CC2D2B: variants seen among roughly 807,000 people sequenced by gnomAD.
CC2D2B encodes the protein protein CC2D2B.
Under a neutral mutation model 161.2 loss-of-function variants are expected in CC2D2B, and 128 were observed. The ratio of observed to expected loss-of-function variants is 0.79; its 90% confidence interval spans 0.69 to 0.92. The LOEUF is 0.92. Among genes scored for constraint, CC2D2B ranks in the 40% least tolerant of loss-of-function variants. The pLI is 0.00. For missense variants in CC2D2B, 1,173 were observed against 1,375.1 expected, an observed-to-expected ratio of 0.85 and a Z score of 2.32; for synonymous variants, 391 against 449.8, an observed-to-expected ratio of 0.87 and a Z score of 1.65.
chr10:95,922,360 G>C (rs1290200477), intron 3 of CC2D2B, among the ~76,000 whole-genome samples: 1 of 152,188 alleles, frequency 6.6e-6, no homozygotes, highest in Non-Finnish European at 1.5e-5. Flanking sequence ...TGCAGAACCT[G>C]CTTCAGCAAA....
intron 29 of CC2D2B, 98 bp from the exon 30 acceptor site, chr10:96,016,103 G>C: frequency 1.4e-6 from 1 of 733,992 alleles, no homozygotes; most frequent in Non-Finnish European, 2.3e-6. Flanking sequence ...GTTTGGAACT[G>C]GAGTGAGTAC....
At chr10:95,914,629 G>A (rs1017843131) in intron 2 of CC2D2B, among the ~76,000 whole-genome samples, 4 of 152,142 alleles carry the variant, frequency 2.6e-5, no homozygotes, top group African/African-American at 7.2e-5. Flanking sequence ...GGTTTTATAG[G>A]TGTTTGGCAT....
intron 2 of CC2D2B, chr10:95,920,134 G>T (rs891354756): frequency 2.0e-5 from 3 of 151,830 alleles, no homozygotes. Context: ...GAGACTTCAG[G>T]AGTCTGCTTG....
At chr10:96,004,289 C>T (rs746649356) in intron 25 of CC2D2B, 41 bp downstream of exon 25, 94 of 1,073,084 alleles carry the variant, frequency 8.8e-5, no homozygotes, top group Admixed American at 5.6e-4. Context: ...TGAAATAATT[C>T]TAAGGTCAAA....
intron 6 of CC2D2B, among the ~76,000 whole-genome samples, chr10:95,934,146 A>G (rs552754491): frequency 1.3e-5 from 2 of 152,264 alleles, no homozygotes; most frequent in African/African-American, 4.8e-5. Flanking sequence ...GGCTCTGCCT[A>G]GTTTGAACTT....
chr10:95,959,058 TG>T (rs955907447), intron 11 of CC2D2B, among the ~76,000 whole-genome samples: 51 of 152,232 alleles, frequency 3.4e-4, no homozygotes, highest in African/African-American at 1.2e-3. Flanking sequence ...TGCTAAAGAA[TG>T]TAAACATTTA....
At chr10:96,003,278 A>G (rs951099654) in intron 24 of CC2D2B, among the ~76,000 whole-genome samples, 1 of 151,986 alleles carries the variant, frequency 6.6e-6, no homozygotes, top group African/African-American at 2.4e-5. Context: ...CTCATGATAT[A>G]CACTACCCTT....
intron 10 of CC2D2B, among the ~76,000 whole-genome samples, chr10:95,953,679 A>G (rs1023278290): frequency 2.3e-4 from 35 of 152,182 alleles, no homozygotes; most frequent in Admixed American, 1.4e-3. Context: ...AATAAGGAAA[A>G]GGCATTACCT....
chr10:96,009,861 A>G lies in CC2D2B; in HGVS notation c.2983A>G (p.Ile995Val), dbSNP rs552645367. 4 of 1,608,982 alleles carry G rather than the reference A, an allele frequency of 2.5e-6. No individual in the cohort carries two copies. Among genetic ancestry groups the G allele is most frequent in the South Asian group, 2.2e-5 (2 of 90,342 alleles). ...CAAGAGCTGTAGTGGTCACTCATATATAAGAAAGAATTGGCTTGGATGCAT... is the reference window on the plus strand; with the variant it reads ...CAAGAGCTGTAGTGGTCACTCATATGTAAGAAAGAATTGGCTTGGATGCAT... Reference protein sequence around the residue: ...CLKSCSGHSYIRKNWLGCIVF... With the variant: ...CLKSCSGHSYVRKNWLGCIVF... The change falls in exon 26 of 35, where the codon ATA (isoleucine) becomes GTA (valine). Residue 995 changes from isoleucine to valine, a missense_variant. This residue lies in a region of CC2D2B where 598 missense variants were observed against 693.2 expected (regional missense o/e 0.86). Transcript: ENST00000646931.
chr10:95,943,421 C>T (rs753594780), intron 9 of CC2D2B, among the ~76,000 whole-genome samples: 6 of 152,022 alleles, frequency 3.9e-5, no homozygotes, highest in Admixed American at 1.3e-4. Flanking sequence ...AAATCTTGTC[C>T]GTGGATTTTT....
chr10:95,912,948 A>G (rs2098509101), intron 2 of CC2D2B, among the ~76,000 whole-genome samples: 1 of 152,070 alleles, frequency 6.6e-6, no homozygotes, highest in African/African-American at 2.4e-5. Flanking sequence ...AAGCATTTTT[A>G]TCATTTCTTT....
At chr10:95,922,270 A>C (rs2098528851) in intron 3 of CC2D2B, among the ~76,000 whole-genome samples, 194 bp downstream of exon 3, 1 of 152,200 alleles carries the variant, frequency 6.6e-6, no homozygotes, top group South Asian at 2.1e-4. Flanking sequence ...AATAAACCTG[A>C]ATTTCATTTT....
intron 6 of CC2D2B, among the ~76,000 whole-genome samples, chr10:95,936,882 T>C (rs368942939): frequency 2.6e-5 from 4 of 152,170 alleles, no homozygotes; most frequent in African/African-American, 7.2e-5. Flanking sequence ...AGGGGTGTTA[T>C]AAAGGAAGCT....
intron 16 of CC2D2B, among the ~76,000 whole-genome samples, chr10:95,973,556 CTAAGA>C (rs1478302346): frequency 1.3e-5 from 2 of 151,932 alleles, no homozygotes; most frequent in African/African-American, 4.8e-5. Context: ...AGGGAGAGCA[CTAAGA>C]TAAGAGTGGA....
intron 4 of CC2D2B, 70 bp from the exon 5 acceptor site, chr10:95,924,709 A>G: frequency 9.9e-7 from 1 of 1,014,614 alleles, no homozygotes; most frequent in South Asian, 1.4e-5. Flanking sequence ...ATATTTATAA[A>G]TTTTGGACAA....
chr10:96,025,174 TA>T (rs2079671177), intron 33 of CC2D2B, among the ~76,000 whole-genome samples: 15 of 15,084 alleles, frequency 9.9e-4, no homozygotes, highest in Admixed American at 7.2e-3. Context: ...TATATATATA[TA>T]TATATATATA....
intron 33 of CC2D2B, 60 bp downstream of exon 33, chr10:96,024,971 T>G: frequency 1.1e-6 from 1 of 908,402 alleles, no homozygotes; most frequent in East Asian, 2.9e-5. Flanking sequence ...ACCCATCCAT[T>G]CAAAATACCT....
At chr10:95,954,283 GT>G (rs2076500864) in intron 10 of CC2D2B, among the ~76,000 whole-genome samples, 1 of 152,050 alleles carries the variant, frequency 6.6e-6, no homozygotes, top group South Asian at 2.1e-4. Context: ...TCTATCTAGA[GT>G]TTATATCTGT....
chr10:95,930,581 G>C (rs929332299), intron 6 of CC2D2B, among the ~76,000 whole-genome samples: 2 of 152,144 alleles, frequency 1.3e-5, no homozygotes, highest in African/African-American at 4.8e-5. Context: ...AGTTTATTGG[G>C]AGTTTTTAGC....
Sources: gnomAD v4.1 joint callset for allele counts (sites outside exome capture counted in the v4.1 genomes callset) on GRCh38, gnomAD v4.1.1 for gene constraint, gnomAD v4.1.1 regional missense constraint, MANE v1.5 for transcripts, NCBI Gene and HGNC (gene_info 2026-07-23, HGNC 2026-07-21) for gene names.